ST6GALNAC4: variants seen among roughly 807,000 people sequenced by gnomAD.
The protein encoded by ST6GALNAC4 is alpha-N-acetyl-neuraminyl-2,3-beta-galactosyl-1,3-N-acetyl-galactosaminide alpha-2,6-sialyltransferase.
ST6GALNAC4 carries 24 observed loss-of-function variants against 30.4 expected under a neutral mutation model. The ratio of observed to expected loss-of-function variants is 0.79; its 90% CI spans 0.57 to 1.11. The LOEUF is 1.11. Ranked by LOEUF, ST6GALNAC4 falls within the 50% of genes most tolerant of loss-of-function variation. The pLI is 0.00. For missense variants in ST6GALNAC4, 365 were observed against 430.1 expected, an observed-to-expected ratio of 0.85 and a Z score of 1.34; for synonymous variants, 156 against 179.7, an observed-to-expected ratio of 0.87 and a Z score of 1.05.
In ST6GALNAC4 at chr9:127,908,278, G is replaced by T; in HGVS notation, c.*114C>A. ...CGGGAAGGAACCTTAGGTCCACCCA[G>T]CACGTGGCAGGAGGCAGGATCCATA... On this transcript the variant is annotated 3_prime_UTR_variant, in exon 6 of 6. Coordinates refer to ENST00000335791, the MANE Select transcript of ST6GALNAC4 (RefSeq NM_175039.4). 9.7e-7 allele frequency: 1 copy of T among 1,033,972 alleles called. No homozygotes were observed. The highest frequency in any genetic ancestry group is 1.3e-6 in the Non-Finnish European group (1 of 755,968). The allele number at this position is 1,033,972 out of a possible 1,614,324, so 64.0% of individuals were successfully genotyped here.
chr9:127,912,798 G>A, intron 3 of ST6GALNAC4, 118 bp from the exon 4 acceptor site: 6 of 1,235,720 alleles, frequency 4.9e-6, no homozygotes, highest in South Asian at 3.2e-5. Flanking sequence ...TTGAAGGACT[G>A]TTATGAACCC....
In ST6GALNAC4 at chr9:127,910,030, C is replaced by T. The variant is rs1320950726; in HGVS notation, c.640G>A (p.Gly214Ser). 9.3e-6 allele frequency: 15 copies of T among 1,613,466 alleles called. No individual in the cohort carries two copies. Among genetic ancestry groups the T allele is most frequent in the Admixed American group, 3.3e-5 (2 of 60,014 alleles). ...AGCGCGAGGATCATGGTGAACCAGC[C>T]GGTGCTGAGGAAGGAGCCCGACTGC... is the stretch of plus-strand genomic sequence containing the variant. The part of the protein sequence containing the change: ...RRQSGSFLST[G>S]WFTMILALEL... Residue 214 changes from glycine (G) to serine (S), a missense_variant, in exon 5 of 6, where the codon GGC (glycine) becomes AGC (serine). Gly to Ser is a moderately conservative substitution (Grantham distance 56, BLOSUM62 0). Transcript: ENST00000335791.
At chr9:127,908,786 G>GA (rs1452927944) in intron 5 of ST6GALNAC4, among the ~76,000 whole-genome samples, 1 of 152,050 alleles carries the variant, frequency 6.6e-6, no homozygotes, top group African/African-American at 2.4e-5. Flanking sequence ...CAAGCTGGAT[G>GA]ACTCTGGGCC....
intron 3 of ST6GALNAC4, among the ~76,000 whole-genome samples, chr9:127,913,116 A>C (rs534888538): frequency 6.6e-6 from 1 of 152,320 alleles, no homozygotes; most frequent in South Asian, 2.1e-4. Flanking sequence ...CACATGCCTC[A>C]CCCACACTGT....
chr9:127,915,214 G>A (rs975744031), intron 2 of ST6GALNAC4, among the ~76,000 whole-genome samples: 3 of 152,190 alleles, frequency 2.0e-5, no homozygotes, highest in Non-Finnish European at 4.4e-5. Context: ...CCATCCCTCT[G>A]GGCCTGTTTC....
intron 2 of ST6GALNAC4, chr9:127,916,147 C>T (rs1490898974): frequency 5.2e-6 from 3 of 577,242 alleles, no homozygotes; most frequent in African/African-American, 3.7e-5. Flanking sequence ...CCCAGTTCCA[C>T]GTAGGCTTTG....
At chr9:127,910,341 G>A (rs1251836059) in intron 4 of ST6GALNAC4, 7 of 1,200,780 alleles carry the variant, frequency 5.8e-6, no homozygotes, top group Non-Finnish European at 6.3e-6. Context: ...GATGATGGGT[G>A]TGGGGGCTCT....
At chr9:127,916,235 T>C in intron 2 of ST6GALNAC4, 173 bp downstream of exon 2, 1 of 807,290 alleles carries the variant, frequency 1.2e-6, no homozygotes, top group Non-Finnish European at 2.1e-6. Flanking sequence ...GCCACCTGCC[T>C]GGGGCCACAC....
Position 127,912,323 on chromosome 9 carries a change from C to A in ST6GALNAC4, c.556G>T (p.Glu186Ter). ...TGGTCGCAGTAGGCCATCATGCGCT[C>A]CGTGAAGGTGTACACCTGCAGGCCG... Reference protein sequence around the residue: ...YPGLQVYTFTERMMAYCDQIF... With the variant: ...YPGLQVYTFT The change falls in exon 4 of 6, where the codon GAG (glutamate) becomes TAG (stop). Residue 186 changes from glutamate to a stop codon, truncating the protein, a stop_gained. Coordinates refer to ENST00000335791, the MANE Select transcript of ST6GALNAC4 (RefSeq NM_175039.4). LOFTEE classifies it high-confidence loss of function. 6.2e-7 allele frequency: 1 copy of A among 1,614,070 alleles called. No individual in the cohort carries two copies. The highest frequency in any genetic ancestry group is 1.7e-4 in the Middle Eastern group (1 of 6,012).
In ST6GALNAC4 at chr9:127,912,671, G is replaced by A. The variant is rs1359657653; in HGVS notation, c.208C>T (p.Arg70Cys). The change falls in exon 4 of 6, where the codon CGC becomes TGC. Residue 70 changes from arginine to cysteine, a missense_variant. Arg to Cys is a radical substitution (Grantham distance 180, BLOSUM62 -3). Coordinates refer to ENST00000335791, the MANE Select transcript of ST6GALNAC4 (RefSeq NM_175039.4). ...SSVPDGKPLV[R>C]EPCRSCAVVS... ...ACGGCACAGCTGCGGCAGGGCTCGCGGACCAGCGGCTGCAGGGCAGGCAGG... is the reference window on the plus strand; with the variant it reads ...ACGGCACAGCTGCGGCAGGGCTCGCAGACCAGCGGCTGCAGGGCAGGCAGG... 7.0e-6 allele frequency: 11 copies of A among 1,572,950 alleles called. No individual in the cohort carries two copies. The highest frequency in any genetic ancestry group is 8.6e-6 in the Non-Finnish European group (10 of 1,161,056).
chr9:127,909,892 G>A, intron 5 of ST6GALNAC4, 59 bp downstream of exon 5: 1 of 1,531,924 alleles, frequency 6.5e-7, no homozygotes, highest in Non-Finnish European at 8.9e-7. Flanking sequence ...CTGGTTTAAG[G>A]CCTAGGAGGG....
chr9:127,916,394 T>G lies in ST6GALNAC4; in HGVS notation c.12+14A>C. 1 of 1,614,176 alleles carries G rather than the reference T, an allele frequency of 6.2e-7. No individual in the cohort carries two copies. Among genetic ancestry groups the G allele is most frequent in the Non-Finnish European group, 8.5e-7 (1 of 1,180,030 alleles). On this transcript the variant is annotated intron_variant, in intron 2 of 5. Transcript: ENST00000335791. ...CCTCTGCGTTCCCTGGAAGTCCTCC[T>G]TCTTCCCACTTACCGGAGCCTTCAT...
chr9:127,916,323 TG>T, intron 2 of ST6GALNAC4, 84 bp downstream of exon 2: 1 of 1,582,768 alleles, frequency 6.3e-7, no homozygotes, highest in Non-Finnish European at 8.7e-7. Flanking sequence ...GAAGTGGCAG[TG>T]GGTCCTGGGG....
chr9:127,913,136 CTAAG>C (rs1456049981), intron 3 of ST6GALNAC4, among the ~76,000 whole-genome samples: 1 of 152,252 alleles, frequency 6.6e-6, no homozygotes, highest in Non-Finnish European at 1.5e-5. Context: ...TGCCCAGTTT[CTAAG>C]TAAGAGCAGG....
intron 5 of ST6GALNAC4, among the ~76,000 whole-genome samples, chr9:127,909,441 T>C (rs1026561101): frequency 1.0e-4 from 15 of 150,700 alleles, no homozygotes; most frequent in African/African-American, 3.7e-4. Flanking sequence ...AATCATACCA[T>C]AAACATATCT....
intron 5 of ST6GALNAC4, 37 bp downstream of exon 5, chr9:127,909,914 C>G: frequency 1.4e-6 from 2 of 1,433,592 alleles, no homozygotes; most frequent in South Asian, 1.3e-5. Context: ...TCACAGTCCT[C>G]CCCGCGTCCC....
Position 127,912,534 on chromosome 9 carries a change from C to T in ST6GALNAC4, c.345G>A (p.Val115=). 1 of 1,613,734 alleles carries T rather than the reference C, an allele frequency of 6.2e-7. No homozygotes were observed. The highest frequency in any genetic ancestry group is 8.5e-7 in the Non-Finnish European group (1 of 1,179,938). Residue 115 remains valine, a synonymous_variant, in exon 4 of 6, where the codon GTG becomes GTA. Coordinates refer to ENST00000335791, the MANE Select transcript of ST6GALNAC4 (RefSeq NM_175039.4). ...CGACACGCAGGGTGCTGCGCTGGCC[C>T]ACATCCGCCTCAAAGCCCACGGTGG... is the stretch of plus-strand genomic sequence containing the variant. ...QAPTVGFEAD[V]GQRSTLRVVS...
At chr9:127,910,390 G>A (rs1329521575) in intron 4 of ST6GALNAC4, 20 of 1,101,454 alleles carry the variant, frequency 1.8e-5, no homozygotes, top group Admixed American at 4.8e-5. Flanking sequence ...CAGGCCTGGG[G>A]AGACAGCATG....
In ST6GALNAC4 at chr9:127,916,811, C is replaced by A; in HGVS notation, c.-76+15G>T. ...AGAGAGCCAGAAGCCCGGAATTCCA[C>A]CCCATCCATCCTACCTCTCTACCCG... On this transcript the variant is annotated intron_variant, in intron 1 of 5. Transcript: ENST00000335791. 1 of 311,154 alleles carries A rather than the reference C, an allele frequency of 3.2e-6. No homozygotes were observed. Among genetic ancestry groups the A allele is most frequent in the South Asian group, 4.5e-5 (1 of 22,034 alleles). The allele number at this position is 311,154 out of a possible 1,614,324, so 19.3% of individuals were successfully genotyped here.
Sources: gnomAD v4.1 joint callset for allele counts (sites outside exome capture counted in the v4.1 genomes callset) on GRCh38, gnomAD v4.1.1 for gene constraint, MANE v1.5 for transcripts, NCBI Gene and HGNC (gene_info 2026-07-23, HGNC 2026-07-21) for gene names.